The following ULK4 variants were observed in gnomAD, a reference collection of about 807,000 sequenced individuals.
ULK4 encodes inactive serine/threonine-protein kinase ULK4.
In ULK4, 133 loss-of-function variants were observed where a neutral mutation model predicts 160.6. The ratio of observed to expected loss-of-function variants is 0.83; its 90% CI spans 0.72 to 0.96. The LOEUF (loss-of-function observed/expected upper bound fraction) is 0.96. Among genes scored for constraint, ULK4 ranks in the 40% least tolerant of loss-of-function variants. ULK4 has a pLI of 0.00. For synonymous variants in ULK4, 534 were observed against 539.8 expected (o/e 0.99, Z 0.15); for missense variants, 1,580 against 1,499.5 (o/e 1.05, Z -0.89).
chr3:41,622,023 C>T (rs1464870791), intron 30 of ULK4, among the ~76,000 whole-genome samples: 1 of 152,182 alleles, frequency 6.6e-6, no homozygotes, highest in African/African-American at 2.4e-5. Context: ...GCCATCATCA[C>T]TGGTCCTTAG....
intron 35 of ULK4, among the ~76,000 whole-genome samples, chr3:41,306,947 A>G (rs1292772502): frequency 6.6e-6 from 1 of 151,128 alleles, no homozygotes; most frequent in African/African-American, 2.4e-5. Context: ...GCTTGAAGGC[A>G]GCATGCTCGT....
intron 32 of ULK4, among the ~76,000 whole-genome samples, chr3:41,540,346 G>A (rs1163780536): frequency 6.6e-6 from 1 of 152,142 alleles, no homozygotes; most frequent in Non-Finnish European, 1.5e-5. Flanking sequence ...CTTAGTCCAT[G>A]TCCCTCCAAA....
chr3:41,887,933 A>T (rs557822635), intron 16 of ULK4, among the ~76,000 whole-genome samples: 72 of 151,978 alleles, frequency 4.7e-4, no homozygotes, highest in African/African-American at 1.7e-3. Flanking sequence ...GGAGGATGAG[A>T]TGGAAGGATC....
chr3:41,294,494 T>C (rs2079631236), intron 35 of ULK4, among the ~76,000 whole-genome samples: 1 of 152,238 alleles, frequency 6.6e-6, no homozygotes, highest in African/African-American at 2.4e-5. Flanking sequence ...TGTACCATGT[T>C]TAAGAGTTTG....
At chr3:41,450,845 C>A (rs2083409830) in intron 34 of ULK4, among the ~76,000 whole-genome samples, 1 of 152,150 alleles carries the variant, frequency 6.6e-6, no homozygotes, top group South Asian at 2.1e-4. Flanking sequence ...TTGTCACAGG[C>A]CATTTTTATA....
chr3:41,869,774 A>G (rs1716671), intron 17 of ULK4, among the ~76,000 whole-genome samples: 11,305 of 152,198 alleles, frequency 0.074, 1,318 homozygotes, highest in African/African-American at 0.25. Context: ...CAAGTTATGA[A>G]AAATTGTTTA....
chr3:41,941,338 T>G, intron 2 of ULK4, among the ~76,000 whole-genome samples: 1 of 13,744 alleles, frequency 7.3e-5, no homozygotes, highest in Non-Finnish European at 4.3e-4. Flanking sequence ...GTGCCCAGCT[T>G]GAAAAAAAAA....
chr3:41,893,403 G>C (rs1346510666), intron 16 of ULK4, among the ~76,000 whole-genome samples: 1 of 152,086 alleles, frequency 6.6e-6, no homozygotes, highest in Non-Finnish European at 1.5e-5. Flanking sequence ...TATACAATTT[G>C]ATAAATACTC....
chr3:41,593,742 A>G (rs190789850), intron 31 of ULK4, among the ~76,000 whole-genome samples: 202 of 152,344 alleles, frequency 1.3e-3, no homozygotes, highest in African/African-American at 4.6e-3. Flanking sequence ...AAAAAGAAAA[A>G]TAGCCTGGCT....
chr3:41,576,300 A>G (rs1000455877), intron 31 of ULK4, among the ~76,000 whole-genome samples: 1 of 152,216 alleles, frequency 6.6e-6, no homozygotes, highest in African/African-American at 2.4e-5. Context: ...CTTGGGTTGA[A>G]TAGTATTTTC....
At chr3:41,939,217 G>A (rs1208928997) in intron 2 of ULK4, among the ~76,000 whole-genome samples, 1 of 150,944 alleles carries the variant, frequency 6.6e-6, no homozygotes, top group Non-Finnish European at 1.5e-5. Flanking sequence ...CTGGAGTACA[G>A]TGGTGCAATC....
chr3:41,628,649 G>C (rs1559443801), intron 30 of ULK4, among the ~76,000 whole-genome samples: 1 of 152,320 alleles, frequency 6.6e-6, no homozygotes, highest in East Asian at 1.9e-4. Flanking sequence ...TGGGATCCTA[G>C]ATTAAATCCT....
intron 32 of ULK4, among the ~76,000 whole-genome samples, chr3:41,464,114 AC>A (rs2125880023): frequency 6.6e-6 from 1 of 152,198 alleles, no homozygotes; most frequent in South Asian, 2.1e-4. Context: ...ATTTTACTGG[AC>A]CTGCAATCTA....
At chr3:41,950,813 A>C (rs751584792) in intron 2 of ULK4, among the ~76,000 whole-genome samples, 1 of 152,186 alleles carries the variant, frequency 6.6e-6, no homozygotes, top group African/African-American at 2.4e-5. Flanking sequence ...AGACTTACAC[A>C]ACAAAAACTA....
At chr3:41,856,901 CT>C (rs768542443) in intron 17 of ULK4, among the ~76,000 whole-genome samples, 6 of 148,234 alleles carry the variant, frequency 4.0e-5, no homozygotes, top group Non-Finnish European at 7.4e-5. Flanking sequence ...AGAGTGAGAC[CT>C]TGTATAAAAC....
At chr3:41,959,746 G>T (rs543333803) in intron 1 of ULK4, among the ~76,000 whole-genome samples, 12 of 151,434 alleles carry the variant, frequency 7.9e-5, no homozygotes, top group African/African-American at 2.9e-4. Flanking sequence ...GACCAGCCTG[G>T]GCAACATGGT....
rs576867744 is a variant in ULK4, at chr3:41,747,610, G to C, written c.2321+6751C>G. 5.3e-5 allele frequency among the ~76,000 whole-genome samples: 8 copies of C among 152,222 alleles called. No individual in the cohort carries two copies. In the South Asian group the frequency reaches 1.7e-3, roughly 32 times the overall value. ...CTCAATGTGACTATATTTGAAGATA[G>C]GTGTGTGTTTGGAGATAAGGCTGTA... is the stretch of plus-strand genomic sequence containing the variant. On this transcript the variant is annotated intron_variant, in intron 22 of 36. Transcript: ENST00000301831.
chr3:41,499,304 G>C (rs995846190), intron 32 of ULK4, among the ~76,000 whole-genome samples: 3 of 152,198 alleles, frequency 2.0e-5, no homozygotes, highest in African/African-American at 4.8e-5. Context: ...CTTTAGCTCT[G>C]TTGAAATGAA....
At chr3:41,314,725 G>C (rs1322657740) in intron 35 of ULK4, among the ~76,000 whole-genome samples, 1 of 152,092 alleles carries the variant, frequency 6.6e-6, no homozygotes, top group Non-Finnish European at 1.5e-5. Context: ...CAATTTATTT[G>C]AAATTTGTTG....
Sources: allele counts gnomAD v4.1 joint callset (sites outside exome capture counted in the v4.1 genomes callset), GRCh38; gene constraint gnomAD v4.1.1; transcripts MANE v1.5; gene names NCBI Gene and HGNC (gene_info 2026-07-23, HGNC 2026-07-21).